Variants in CHL1 observed in about 807,000 individuals in gnomAD.
The protein encoded by CHL1 is cell adhesion molecule L1 like.
Under a neutral mutation model 141.9 loss-of-function variants are expected in CHL1, and 96 were observed. That is an observed-to-expected ratio of 0.68 (90% CI 0.57 to 0.80). CHL1 has a LOEUF of 0.80. Among genes scored for constraint, CHL1 ranks in the 30% least tolerant of loss-of-function variants. The pLI is 0.00. For missense variants in CHL1, 1,820 were observed against 1,457.2 expected (o/e 1.25, Z -4.05); for synonymous variants, 613 against 502.2 (o/e 1.22, Z -2.95).
At chr3:325,874 A>C in intron 3 of CHL1, 85 bp from the exon 4 acceptor site, 2 of 803,340 alleles carry the variant, frequency 2.5e-6, no homozygotes, top group Non-Finnish European at 4.1e-6. Context: ...TCAGTATACA[A>C]AAGAGGTTTA....
At chr3:354,509 C>A (rs1703534241) in intron 10 of CHL1, 131 bp from the exon 11 acceptor site, 2 of 1,011,010 alleles carry the variant, frequency 2.0e-6, no homozygotes, top group East Asian at 2.5e-5. Context: ...GCAAGTTTAC[C>A]AAAAAGAGCT....
In CHL1 at chr3:384,529, C is replaced by T. The variant is rs1443610699; in HGVS notation, c.2247+643C>T. On this transcript the variant is annotated intron_variant, in intron 19 of 27. Coordinates refer to ENST00000256509, the MANE Select transcript of CHL1 (RefSeq NM_006614.4). Reference sequence around the variant, plus strand: ...GTTAAATGTTATTAAATAGACTTCACCATTTGAATTTTGCATAAAAATGCC... The same window carrying T: ...GTTAAATGTTATTAAATAGACTTCATCATTTGAATTTTGCATAAAAATGCC... 9 of 152,100 alleles carry T rather than the reference C, an allele frequency of 5.9e-5. No individual in the cohort carries two copies. The East Asian group carries it at 7.7e-4, about 13-fold the overall frequency. The allele number at this position is 152,100 out of a possible 1,614,324, so 9.4% of individuals were successfully genotyped here. A position where few individuals can be genotyped will look rare whatever the true frequency, so the allele number is the denominator to read the frequency against.
chr3:275,246 T>C (rs1695984935), intron 2 of CHL1, among the ~76,000 whole-genome samples: 1 of 152,262 alleles, frequency 6.6e-6, no homozygotes, highest in Admixed American at 6.5e-5. Context: ...ATCTAGCATT[T>C]GCTAACATGT....
chr3:275,738 A>C (rs1574932445), intron 2 of CHL1, among the ~76,000 whole-genome samples: 1 of 152,332 alleles, frequency 6.6e-6, no homozygotes, highest in East Asian at 1.9e-4. Context: ...TATAATGAGA[A>C]ATCTTTATTT....
chr3:242,051 C>A (rs1388337269), intron 1 of CHL1, among the ~76,000 whole-genome samples: 1 of 152,090 alleles, frequency 6.6e-6, no homozygotes, highest in Non-Finnish European at 1.5e-5. Flanking sequence ...GTGTTTGAGT[C>A]TATCCCTCCA....
chr3:298,653 A>G (rs925485540), intron 2 of CHL1, among the ~76,000 whole-genome samples: 1 of 152,158 alleles, frequency 6.6e-6, no homozygotes, highest in African/African-American at 2.4e-5. Context: ...TCTCTCATTC[A>G]TGAGTCAAAT....
chr3:385,793 G>A (rs552894145), intron 19 of CHL1: 25 of 137,152 alleles, frequency 1.8e-4, no homozygotes, highest in South Asian at 9.6e-4. Context: ...ATGCCACTAC[G>A]CTCCAGCCTG....
At chr3:276,661 G>A (rs531093124) in intron 2 of CHL1, among the ~76,000 whole-genome samples, 225 of 151,920 alleles carry the variant, frequency 1.5e-3, no homozygotes, top group African/African-American at 4.9e-3. Flanking sequence ...AGGCCGAGGG[G>A]GGCGGATCAC....
Position 250,816 on chromosome 3 carries a change from G to T in CHL1, c.-95+6124G>T, listed in dbSNP as rs112410342. 5.8e-3 allele frequency among the ~76,000 whole-genome samples: 876 copies of T among 152,224 alleles called. 10 individuals are homozygous for T. The highest frequency in any genetic ancestry group is 0.02 in the African/African-American group (837 of 41,550). On this transcript the variant is annotated intron_variant, in intron 2 of 27. Coordinates refer to ENST00000256509, the MANE Select transcript of CHL1 (RefSeq NM_006614.4). ...GCCATGTGTAAAATGACAGTGAAAAGGAAGGTAATCCTCTTATGAAATGTC... is the reference window on the plus strand; with the variant it reads ...GCCATGTGTAAAATGACAGTGAAAATGAAGGTAATCCTCTTATGAAATGTC...
chr3:353,482 G>A (rs1014810020), intron 10 of CHL1, among the ~76,000 whole-genome samples: 9 of 152,132 alleles, frequency 5.9e-5, no homozygotes, highest in African/African-American at 1.7e-4. Flanking sequence ...TTTACAGGTA[G>A]TACAGCTTAT....
chr3:407,152 C>T lies in CHL1; in HGVS notation c.*1441C>T, dbSNP rs774377033. 2.6e-5 allele frequency: 4 copies of T among 152,008 alleles called. No homozygotes were observed. Among genetic ancestry groups the T allele is most frequent in the African/African-American group, 7.2e-5 (3 of 41,406 alleles). The allele number at this position is 152,008 out of a possible 1,614,324, so 9.4% of individuals were successfully genotyped here. A position where few individuals can be genotyped will look rare whatever the true frequency, so the allele number is the denominator to read the frequency against. On this transcript the variant is annotated 3_prime_UTR_variant, in exon 28 of 28. Transcript: ENST00000256509. The stretch of plus-strand genomic sequence containing the variant: ...ATACATGTCGGTCAAGTTCAGCGCT[C>T]GACATTTTATGGAAAGATTTTTTTA...
chr3:356,517 C>T (rs995254232), intron 11 of CHL1, among the ~76,000 whole-genome samples: 1 of 152,142 alleles, frequency 6.6e-6, no homozygotes, highest in Admixed American at 6.5e-5. Flanking sequence ...AGACAAATAA[C>T]ACATGAGTGT....
chr3:339,848 G>A (rs1400664083), intron 5 of CHL1, among the ~76,000 whole-genome samples: 1 of 152,114 alleles, frequency 6.6e-6, no homozygotes, highest in Non-Finnish European at 1.5e-5. Context: ...CATAATTTAA[G>A]AATGAAACAT....
chr3:373,234 A>G (rs1419139106), intron 15 of CHL1, among the ~76,000 whole-genome samples: 1 of 152,248 alleles, frequency 6.6e-6, no homozygotes, highest in Non-Finnish European at 1.5e-5. Flanking sequence ...TGCAGAGACC[A>G]TGGCCACCCC....
chr3:337,155 G>C (rs541911867), intron 5 of CHL1, among the ~76,000 whole-genome samples: 24 of 150,770 alleles, frequency 1.6e-4, no homozygotes, highest in African/African-American at 5.3e-4. Flanking sequence ...ATCTAGACTT[G>C]GTTATAATGG....
intron 1 of CHL1, among the ~76,000 whole-genome samples, chr3:209,944 A>G (rs546789589): frequency 7.2e-5 from 11 of 152,360 alleles, no homozygotes; most frequent in Non-Finnish European, 4.4e-5. Context: ...GGTAAATACC[A>G]TCACCATTCC....
intron 1 of CHL1, among the ~76,000 whole-genome samples, chr3:198,467 C>G (rs1455752144): frequency 2.0e-5 from 3 of 152,190 alleles, no homozygotes. Flanking sequence ...GCCCACGTGG[C>G]TTCGAATTCC....
At chr3:381,208 T>C (rs868738693) in intron 16 of CHL1, among the ~76,000 whole-genome samples, 14 of 152,260 alleles carry the variant, frequency 9.2e-5, no homozygotes, top group East Asian at 3.9e-4. Flanking sequence ...ATATGGTCCA[T>C]TGGGGAGGAC....
At chr3:397,641 A>G in intron 24 of CHL1, among the ~76,000 whole-genome samples, 1 of 152,252 alleles carries the variant, frequency 6.6e-6, no homozygotes, top group East Asian at 1.9e-4. Flanking sequence ...ACATATTAAT[A>G]TTTTTTGAAA....
Sources: allele counts gnomAD v4.1 joint callset (sites outside exome capture counted in the v4.1 genomes callset), GRCh38; gene constraint gnomAD v4.1.1; transcripts MANE v1.5; gene names NCBI Gene and HGNC (gene_info 2026-07-23, HGNC 2026-07-21).